Variants in RPAP2 observed in about 807,000 individuals in gnomAD.
RPAP2 encodes RNA polymerase II associated protein 2, also known as putative RNA polymerase II subunit B1 CTD phosphatase RPAP2.
Under a neutral mutation model 73.1 loss-of-function variants are expected in RPAP2, and 52 were observed. That is an observed-to-expected ratio of 0.71 (90% CI 0.57 to 0.90). RPAP2 has a LOEUF of 0.90. Among genes scored for constraint, RPAP2 ranks in the 40% least tolerant of loss-of-function variants. The pLI, the probability that RPAP2 is intolerant of heterozygous loss-of-function variation, is 0.00. For synonymous variants in RPAP2, 225 were observed against 242.1 expected (o/e 0.93, Z 0.65); for missense variants, 598 against 701.8 (o/e 0.85, Z 1.67).
chr1:92,382,262 C>G (rs1452383127), intron 12 of RPAP2, among the ~76,000 whole-genome samples: 1 of 152,038 alleles, frequency 6.6e-6, no homozygotes, highest in Non-Finnish European at 1.5e-5. Flanking sequence ...CAGCATGATT[C>G]ATAATCCTTT....
intron 11 of RPAP2, among the ~76,000 whole-genome samples, chr1:92,375,213 GA>G (rs1411724803): frequency 6.6e-6 from 1 of 152,050 alleles, no homozygotes; most frequent in Admixed American, 6.6e-5. Flanking sequence ...TGTTTTACAT[GA>G]CTCCAAAAGT....
chr1:92,314,355 T>C (rs1651782199), intron 6 of RPAP2, among the ~76,000 whole-genome samples: 1 of 151,906 alleles, frequency 6.6e-6, no homozygotes, highest in Non-Finnish European at 1.5e-5. Context: ...TTTTGGGTTT[T>C]TTTTTTTTTG....
chr1:92,339,188 T>C (rs1248372207), intron 10 of RPAP2, among the ~76,000 whole-genome samples: 1 of 152,168 alleles, frequency 6.6e-6, no homozygotes, highest in Non-Finnish European at 1.5e-5. Context: ...CAAAAGTTAC[T>C]AGAAACTTTA....
chr1:92,368,165 G>T (rs1655000227), intron 11 of RPAP2, among the ~76,000 whole-genome samples: 1 of 152,150 alleles, frequency 6.6e-6, no homozygotes, highest in South Asian at 2.1e-4. Context: ...TGGGTCACAA[G>T]GTCAGGAGTT....
At chr1:92,373,346 A>T (rs901957685) in intron 11 of RPAP2, among the ~76,000 whole-genome samples, 4 of 152,202 alleles carry the variant, frequency 2.6e-5, no homozygotes, top group African/African-American at 9.6e-5. Flanking sequence ...AGATATGGTT[A>T]GCCAGTATGA....
rs974487138 is a variant in RPAP2, at chr1:92,395,186, T to C, written c.*8175T>C. The C allele has an allele frequency of 1.3e-5, 2 of 152,122 alleles. No homozygotes were observed. Among genetic ancestry groups the C allele is most frequent in the African/African-American group, 4.8e-5 (2 of 41,436 alleles). 9.4% of individuals were successfully genotyped at this position (152,122 alleles called of 1,614,324 possible). ...TGATCACACACCTACATGTAAGAGCTAAAACTATAAAACATGTAGAAGAAA... is the reference window on the plus strand; with the variant it reads ...TGATCACACACCTACATGTAAGAGCCAAAACTATAAAACATGTAGAAGAAA... On this transcript the variant is annotated 3_prime_UTR_variant, in exon 13 of 13. Transcript: ENST00000610020.
intron 11 of RPAP2, among the ~76,000 whole-genome samples, chr1:92,371,107 T>G (rs1216008134): frequency 6.6e-6 from 1 of 151,560 alleles, no homozygotes; most frequent in African/African-American, 2.4e-5. Context: ...GAGTTCGAGA[T>G]CAGCCTGGCC....
chr1:92,308,714 C>G (rs752198429), intron 6 of RPAP2, among the ~76,000 whole-genome samples: 5 of 152,182 alleles, frequency 3.3e-5, no homozygotes, highest in Non-Finnish European at 5.9e-5. Flanking sequence ...AATCCCAACA[C>G]TTTGAGAAGC....
chr1:92,331,113 T>G (rs1652937137), intron 8 of RPAP2, among the ~76,000 whole-genome samples: 1 of 152,202 alleles, frequency 6.6e-6, no homozygotes, highest in Non-Finnish European at 1.5e-5. Context: ...TTCTGCAAAT[T>G]TTACTTTTTG....
intron 8 of RPAP2, among the ~76,000 whole-genome samples, chr1:92,332,792 G>A (rs1478215900): frequency 1.3e-5 from 2 of 152,084 alleles, no homozygotes; most frequent in African/African-American, 4.8e-5. Context: ...TAGAAAAACT[G>A]CTCAATTTCT....
intron 12 of RPAP2, among the ~76,000 whole-genome samples, chr1:92,383,691 T>C (rs1407547383): frequency 2.0e-5 from 3 of 151,894 alleles, no homozygotes; most frequent in Non-Finnish European, 4.4e-5. Flanking sequence ...TTTCTAGATA[T>C]ACAATCATGT....
intron 10 of RPAP2, among the ~76,000 whole-genome samples, chr1:92,341,738 G>T (rs920802573): frequency 6.6e-6 from 1 of 152,178 alleles, no homozygotes; most frequent in African/African-American, 2.4e-5. Flanking sequence ...TCCACCTCCT[G>T]AGTTCCAACA....
chr1:92,361,902 G>A (rs895309748), intron 11 of RPAP2, among the ~76,000 whole-genome samples: 11 of 152,142 alleles, frequency 7.2e-5, no homozygotes, highest in Admixed American at 2.0e-4. Context: ...TTAATCACCA[G>A]GTCGATAGAG....
intron 11 of RPAP2, among the ~76,000 whole-genome samples, chr1:92,377,373 G>A (rs1022474198): frequency 3.3e-5 from 5 of 152,070 alleles, no homozygotes; most frequent in African/African-American, 1.2e-4. Flanking sequence ...ACAAACATTA[G>A]CTGGGCGTGG....
At chr1:92,310,134 T>C (rs1184780709) in intron 6 of RPAP2, among the ~76,000 whole-genome samples, 2 of 152,220 alleles carry the variant, frequency 1.3e-5, no homozygotes, top group Non-Finnish European at 2.9e-5. Flanking sequence ...ATCTGCCTCA[T>C]TGTATAGCAT....
At position 92,398,257 on chromosome 1, in the gene RPAP2, C is replaced by T. The variant is rs575221428; in HGVS notation, c.*11246C>T. On this transcript the variant is annotated 3_prime_UTR_variant, in exon 13 of 13. Coordinates refer to ENST00000610020, the MANE Select transcript of RPAP2 (RefSeq NM_024813.3). ...TATTTATCCTGATGTGATTATTACACATTGCATGCCTGTACCAAAATATTT... is the reference window on the plus strand; with the variant it reads ...TATTTATCCTGATGTGATTATTACATATTGCATGCCTGTACCAAAATATTT... 1.3e-5 allele frequency: 2 copies of T among 152,312 alleles called. No individual in the cohort carries two copies. The highest frequency in any genetic ancestry group is 6.5e-5 in the Admixed American group (1 of 15,290). 9.4% of individuals were successfully genotyped at this position (152,312 alleles called of 1,614,324 possible). A position where few individuals can be genotyped will look rare whatever the true frequency, so the allele number is the denominator to read the frequency against.
At chr1:92,342,138 C>G (rs1653627356) in intron 10 of RPAP2, among the ~76,000 whole-genome samples, 1 of 152,124 alleles carries the variant, frequency 6.6e-6, no homozygotes. Context: ...TCCTTTGAAG[C>G]AGGGAAATCA....
chr1:92,323,811 T>G lies in RPAP2; in HGVS notation c.891T>G (p.Thr297=). Residue 297 remains threonine, a synonymous_variant, in exon 8 of 13, where the codon ACT becomes ACG. Coordinates refer to ENST00000610020, the MANE Select transcript of RPAP2 (RefSeq NM_024813.3). ...TCELPLQKVN[T]QSSSNSTLPE... ...AACTTCCTTTACAGAAAGTAAATAC[T>G]CAGAGTTCTTCAAATAGCACTTTGC... The G allele has an allele frequency of 1.2e-6, 2 of 1,614,088 alleles. No homozygotes were observed.
At chr1:92,311,500 G>A (rs1396819103) in intron 6 of RPAP2, among the ~76,000 whole-genome samples, 1 of 152,210 alleles carries the variant, frequency 6.6e-6, no homozygotes, top group African/African-American at 2.4e-5. Flanking sequence ...CTGATAAAAT[G>A]TAGATCAAAG....
Sources: gnomAD v4.1 joint callset for allele counts (sites outside exome capture counted in the v4.1 genomes callset) on GRCh38, gnomAD v4.1.1 for gene constraint, MANE v1.5 for transcripts, NCBI Gene and HGNC (gene_info 2026-07-23, HGNC 2026-07-21) for gene names.